The following LYG1 variants were observed in gnomAD, a reference collection of about 807,000 sequenced individuals.
LYG1 encodes lysozyme g1.
In LYG1, 17 loss-of-function variants were observed where a neutral mutation model predicts 21.7. That is an observed-to-expected ratio of 0.78 (90% CI 0.54 to 1.18). LYG1 has a LOEUF of 1.18. LYG1 is among the 50% of genes most tolerant of loss of function. LYG1 has a pLI of 0.00. For missense variants in LYG1, 211 were observed against 238.1 expected, an observed-to-expected ratio of 0.89 and a Z score of 0.75; for synonymous variants, 81 against 87.4, an observed-to-expected ratio of 0.93 and a Z score of 0.41.
chr2:99,295,068 C>T (rs879533617), intron 3 of LYG1, among the ~76,000 whole-genome samples: 9 of 152,148 alleles, frequency 5.9e-5, no homozygotes, highest in Non-Finnish European at 1.0e-4. Context: ...CACCACTGCA[C>T]TCCAGCCTGG....
At chr2:99,294,327 T>C (rs959457132) in intron 3 of LYG1, among the ~76,000 whole-genome samples, 1 of 152,248 alleles carries the variant, frequency 6.6e-6, no homozygotes. Flanking sequence ...ATATGTGTCC[T>C]GTGTGTTTAC....
chr2:99,300,661 G>A (rs1483818825), intron 1 of LYG1, among the ~76,000 whole-genome samples: 3 of 150,934 alleles, frequency 2.0e-5, no homozygotes, highest in Non-Finnish European at 4.4e-5. Context: ...GGGATTTACC[G>A]TCTGGCAAAA....
chr2:99,296,417 G>A (rs912066129), intron 2 of LYG1, among the ~76,000 whole-genome samples: 1 of 152,178 alleles, frequency 6.6e-6, no homozygotes, highest in African/African-American at 2.4e-5. Context: ...CACAAGACTG[G>A]AGAATGAACA....
At position 99,286,173 on chromosome 2, in the gene LYG1, C is replaced by G. The variant is rs2094099142; in HGVS notation, c.334-1353G>C. On this transcript the variant is annotated intron_variant, in intron 5 of 6. Coordinates refer to ENST00000308528, the MANE Select transcript of LYG1 (RefSeq NM_174898.3). ...GTCCCCACCAGCAAGAAGGCTCTAC[C>G]AGATGTGTCCCCTTGACCTTGGGGT... is the stretch of plus-strand genomic sequence containing the variant. Among the ~76,000 whole-genome samples the G allele has an allele frequency of 2.0e-5, 3 of 152,144 alleles. No individual in the cohort carries two copies. In the South Asian group the frequency reaches 6.2e-4, roughly 32 times the overall value.
chr2:99,299,161 A>G (rs1250682150), intron 1 of LYG1, among the ~76,000 whole-genome samples: 1 of 151,968 alleles, frequency 6.6e-6, no homozygotes, highest in East Asian at 1.9e-4. Flanking sequence ...TCCTGACCTC[A>G]GGTGATCCAC....
intron 4 of LYG1, among the ~76,000 whole-genome samples, chr2:99,292,005 G>A (rs1261674084): frequency 2.0e-5 from 3 of 152,138 alleles, no homozygotes; most frequent in Admixed American, 2.0e-4. Context: ...AAGCACCCTC[G>A]GCCGGGCGCA....
chr2:99,288,034 G>C (rs2094106551), intron 5 of LYG1, among the ~76,000 whole-genome samples: 1 of 151,750 alleles, frequency 6.6e-6, no homozygotes, highest in African/African-American at 2.4e-5. Flanking sequence ...ATCTTTGCTG[G>C]TTTGTTTATT....
chr2:99,295,597 A>T, intron 3 of LYG1, 31 bp downstream of exon 3: 2 of 1,613,688 alleles, frequency 1.2e-6, no homozygotes, highest in Non-Finnish European at 1.7e-6. Flanking sequence ...TCCCATCTCC[A>T]AAGTCATTTG....
rs538700497 is a variant in LYG1 at position 99,293,031 on chromosome 2, G to A, written c.44-391C>T. 2.1e-4 allele frequency among the ~76,000 whole-genome samples: 26 copies of A among 122,606 alleles called. No individual in the cohort carries two copies. The South Asian group carries it at 4.5e-3, about 21-fold the overall frequency. 80.4% of individuals were successfully genotyped at this position (122,606 alleles called of 152,430 possible). A position where few individuals can be genotyped will look rare whatever the true frequency, so the allele number is the denominator to read the frequency against. On this transcript the variant is annotated intron_variant, in intron 3 of 6. Coordinates refer to ENST00000308528, the MANE Select transcript of LYG1 (RefSeq NM_174898.3). ...TTTTGAGATGGAGTCTGGCTCTGTC[G>A]CCTAGTCTGGAGTGCAGTGGCACGA...
intron 4 of LYG1, 61 bp from the exon 5 acceptor site, chr2:99,291,482 A>C: frequency 7.7e-5 from 118 of 1,522,786 alleles, no homozygotes; most frequent in Non-Finnish European, 9.9e-5. Flanking sequence ...ACAGGAGCTC[A>C]AGGGGAGAGA....
chr2:99,294,768 T>A (rs1439093830), intron 3 of LYG1, among the ~76,000 whole-genome samples: 2 of 151,978 alleles, frequency 1.3e-5, no homozygotes, highest in East Asian at 3.9e-4. Context: ...AAATTTAGAG[T>A]CAGGAAAATT....
intron 5 of LYG1, among the ~76,000 whole-genome samples, chr2:99,287,921 C>A (rs2094106035): frequency 6.6e-6 from 1 of 152,042 alleles, no homozygotes; most frequent in African/African-American, 2.4e-5. Flanking sequence ...TTACATCCCC[C>A]TCATTTTTCT....
chr2:99,300,021 A>G (rs1430173251), intron 1 of LYG1, among the ~76,000 whole-genome samples: 2 of 152,120 alleles, frequency 1.3e-5, no homozygotes, highest in Non-Finnish European at 2.9e-5. Flanking sequence ...TAAAATTAAA[A>G]TAGTAATAGC....
intron 5 of LYG1, among the ~76,000 whole-genome samples, chr2:99,289,836 C>CGT (rs1377667506): frequency 5.6e-5 from 8 of 142,296 alleles, no homozygotes; most frequent in South Asian, 4.4e-4. Flanking sequence ...AGAGAATTCT[C>CGT]TTGTTTGTTG....
chr2:99,302,397 T>C (rs952121758), upstream of LYG1, among the ~76,000 whole-genome samples: 8 of 152,120 alleles, frequency 5.3e-5, no homozygotes, highest in Admixed American at 5.2e-4. Context: ...CAGTAAATCT[T>C]TGTTGAATCA....
chr2:99,294,702 A>G (rs949686775), intron 3 of LYG1, among the ~76,000 whole-genome samples: 2 of 152,186 alleles, frequency 1.3e-5, no homozygotes, highest in African/African-American at 4.8e-5. Context: ...TATTTGTTGA[A>G]TGAATGGGTC....
intron 1 of LYG1, among the ~76,000 whole-genome samples, chr2:99,299,233 TTTTTTTCTTTTTCTTTTCTTTTTG>T (rs1460711330): frequency 2.0e-5 from 3 of 151,278 alleles, no homozygotes; most frequent in African/African-American, 7.3e-5. Context: ...AGCCCCTGGG[TTTTTTTCTTTTTCTTTTCTTTTTG>T]TTTTTTCTTT....
At chr2:99,290,127 G>T (rs1398582842) in intron 5 of LYG1, among the ~76,000 whole-genome samples, 3 of 152,104 alleles carry the variant, frequency 2.0e-5, no homozygotes. Context: ...CAAAGTGCTG[G>T]GATTATAGGC....
At chr2:99,304,762 A>G (rs2094162593), upstream of LYG1, 1 of 152,200 alleles carries the variant, frequency 6.6e-6, no homozygotes, top group Non-Finnish European at 1.5e-5. Context: ...CAATTTATGA[A>G]AAAGAAAAAG....
Sources: gnomAD v4.1 joint callset for allele counts (sites outside exome capture counted in the v4.1 genomes callset) on GRCh38, gnomAD v4.1.1 for gene constraint, MANE v1.5 for transcripts, NCBI Gene and HGNC (gene_info 2026-07-23, HGNC 2026-07-21) for gene names.